Variants in DMRT1 observed in about 807,000 individuals in gnomAD.
DMRT1 encodes doublesex- and mab-3-related transcription factor 1.
DMRT1 carries 7 observed loss-of-function variants against 32.3 expected under a neutral mutation model. That is an observed-to-expected ratio of 0.22 (90% CI 0.12 to 0.41). The LOEUF (loss-of-function observed/expected upper bound fraction) is 0.41. DMRT1 is among the 10% of genes least tolerant of loss of function. The pLI, the probability that DMRT1 is intolerant of heterozygous loss-of-function variation, is 1.00. For missense variants in DMRT1, 625 were observed against 500.5 expected (o/e 1.25, Z -2.37); for synonymous variants, 278 against 206.1 (o/e 1.35, Z -2.99).
At chr9:881,834 T>C (rs987401374) in intron 2 of DMRT1, among the ~76,000 whole-genome samples, 1 of 152,200 alleles carries the variant, frequency 6.6e-6, no homozygotes, top group Non-Finnish European at 1.5e-5. Flanking sequence ...AGCTTTCCCA[T>C]TGGCCTGTTT....
intron 3 of DMRT1, among the ~76,000 whole-genome samples, chr9:899,516 C>T (rs1817492450): frequency 1.3e-5 from 2 of 152,302 alleles, no homozygotes; most frequent in Middle Eastern, 6.8e-3. Flanking sequence ...CTTTTAATTG[C>T]TTCTGGTCTG....
intron 2 of DMRT1, among the ~76,000 whole-genome samples, chr9:870,753 C>T (rs1415567568): frequency 7.9e-6 from 1 of 126,410 alleles, no homozygotes; most frequent in Admixed American, 8.8e-5. Context: ...ACTCCATTGC[C>T]CACGCTGGAG....
At chr9:908,602 T>C (rs1452213265) in intron 3 of DMRT1, among the ~76,000 whole-genome samples, 1 of 152,222 alleles carries the variant, frequency 6.6e-6, no homozygotes, top group East Asian at 1.9e-4. Context: ...TTTTTTATGG[T>C]TCACCTTAGG....
chr9:912,042 G>A (rs912880872), intron 3 of DMRT1, among the ~76,000 whole-genome samples: 12 of 152,130 alleles, frequency 7.9e-5, no homozygotes, highest in African/African-American at 2.4e-4. Flanking sequence ...TAACTCACAG[G>A]TCCGCATGGC....
At chr9:948,548 C>G (rs977189544) in intron 4 of DMRT1, among the ~76,000 whole-genome samples, 16 of 152,014 alleles carry the variant, frequency 1.1e-4, no homozygotes, top group African/African-American at 3.9e-4. Flanking sequence ...TCTGCTGGCC[C>G]GGGACAGACC....
chr9:921,123 C>T (rs1818339214), intron 4 of DMRT1, among the ~76,000 whole-genome samples: 1 of 152,180 alleles, frequency 6.6e-6, no homozygotes, highest in Non-Finnish European at 1.5e-5. Context: ...TATCTGATTG[C>T]AAGGCACTTT....
At chr9:845,149 T>C (rs1394442668) in intron 1 of DMRT1, among the ~76,000 whole-genome samples, 1 of 152,228 alleles carries the variant, frequency 6.6e-6, no homozygotes, top group Non-Finnish European at 1.5e-5. Context: ...AAGTCTTTGT[T>C]ACATGTAGAA....
At chr9:863,369 G>C (rs1815814706) in intron 2 of DMRT1, among the ~76,000 whole-genome samples, 1 of 151,166 alleles carries the variant, frequency 6.6e-6, no homozygotes, top group Admixed American at 6.6e-5. Flanking sequence ...AACCTTTCCT[G>C]GCTGCAACTA....
chr9:930,416 AT>A lies in DMRT1; in HGVS notation c.967+13522del, dbSNP rs1297328282. On this transcript the variant is annotated intron_variant, in intron 4 of 4. Coordinates refer to ENST00000382276, the MANE Select transcript of DMRT1 (RefSeq NM_021951.3). ...CTTGGCTATTTTTTTTATTAAAAAA[AT>A]TTTTTTTTTTTTGAGACGGAGTTTC... 2.4e-3 allele frequency among the ~76,000 whole-genome samples: 345 copies of A among 145,450 alleles called. 2 individuals are homozygous for A. The highest frequency in any genetic ancestry group is 6.8e-3 in the African/African-American group (271 of 39,778).
intron 2 of DMRT1, among the ~76,000 whole-genome samples, chr9:858,710 C>T (rs906378322): frequency 5.3e-4 from 80 of 151,846 alleles, no homozygotes; most frequent in African/African-American, 1.8e-3. Context: ...CCTGTCTCTA[C>T]TAAAAATACA....
At chr9:931,815 A>G (rs10125691) in intron 4 of DMRT1, among the ~76,000 whole-genome samples, 40,384 of 152,126 alleles carry the variant, frequency 0.27, 7,670 homozygotes, top group African/African-American at 0.54. Context: ...GGGAGCTAGG[A>G]CTTCAGTAGT....
At chr9:875,747 T>A (rs1009721071) in intron 2 of DMRT1, among the ~76,000 whole-genome samples, 2 of 151,836 alleles carry the variant, frequency 1.3e-5, no homozygotes, top group Non-Finnish European at 2.9e-5. Context: ...AGGTAAGATT[T>A]TGAGACACGT....
At chr9:912,331 A>G (rs1420203717) in intron 3 of DMRT1, among the ~76,000 whole-genome samples, 2 of 152,224 alleles carry the variant, frequency 1.3e-5, no homozygotes, top group East Asian at 1.9e-4. Flanking sequence ...GAGCCAAACC[A>G]TATCAGTTCA....
At chr9:842,919 G>C (rs779649142) in intron 1 of DMRT1, 1 of 152,320 alleles carries the variant, frequency 6.6e-6, no homozygotes, top group African/African-American at 2.4e-5. Context: ...TATTGCGCTA[G>C]AGGAGTCTTC....
intron 4 of DMRT1, among the ~76,000 whole-genome samples, chr9:930,141 C>G (rs6477373): frequency 6.6e-6 from 1 of 152,130 alleles, no homozygotes; most frequent in South Asian, 2.1e-4. Flanking sequence ...GCTCCAAATA[C>G]GGAGCCTTTT....
intron 2 of DMRT1, among the ~76,000 whole-genome samples, chr9:862,361 T>C (rs1015921541): frequency 3.3e-5 from 5 of 151,038 alleles, no homozygotes; most frequent in South Asian, 2.1e-4. Context: ...ACCAGTCAGG[T>C]GTGGCGGCGC....
chr9:905,634 C>T (rs144568091), intron 3 of DMRT1, among the ~76,000 whole-genome samples: 4 of 152,188 alleles, frequency 2.6e-5, no homozygotes, highest in South Asian at 2.1e-4. Flanking sequence ...TCTTTCATTG[C>T]GGTGCCCCGT....
intron 3 of DMRT1, among the ~76,000 whole-genome samples, chr9:909,965 C>A (rs943417987): frequency 6.6e-6 from 1 of 152,198 alleles, no homozygotes. Flanking sequence ...CCTTCCTCCT[C>A]AGCCTCCCAC....
At chr9:894,370 A>G in intron 3 of DMRT1, 175 bp downstream of exon 3, 1 of 688,802 alleles carries the variant, frequency 1.5e-6, no homozygotes. Context: ...ACATGTAGGC[A>G]CAATATGCAA....
Sources: gnomAD v4.1 joint callset for allele counts (sites outside exome capture counted in the v4.1 genomes callset) on GRCh38, gnomAD v4.1.1 for gene constraint, MANE v1.5 for transcripts, NCBI Gene and HGNC (gene_info 2026-07-23, HGNC 2026-07-21) for gene names.